Variants in EYA2 observed in about 807,000 individuals in gnomAD.
The protein encoded by EYA2 is EYA transcriptional coactivator and phosphatase 2.
In EYA2, 31 loss-of-function variants were observed where a neutral mutation model predicts 69.2. The observed-to-expected ratio is 0.45, with a 90% confidence interval of 0.34 to 0.60. The LOEUF (loss-of-function observed/expected upper bound fraction) is 0.60, where lower values mean the gene tolerates loss of function less well. Among genes scored for constraint, EYA2 ranks in the 20% least tolerant of loss-of-function variants. EYA2 has a pLI of 0.02. For synonymous variants in EYA2, 257 were observed against 279.4 expected, an observed-to-expected ratio of 0.92 and a Z score of 0.80; for missense variants, 622 against 701.2, an observed-to-expected ratio of 0.89 and a Z score of 1.28.
At chr20:47,180,718 C>G in intron 13 of EYA2, 97 bp from the exon 14 acceptor site, 1 of 1,478,662 alleles carries the variant, frequency 6.8e-7, no homozygotes, top group Non-Finnish European at 9.2e-7. Flanking sequence ...GCCTCCAAGC[C>G]TACCAGATTT....
Position 47,072,206 on chromosome 20 carries a change from G to A in EYA2, c.437G>A (p.Gly146Glu), listed in dbSNP as rs1349679130. 1 of 1,613,252 alleles carries A rather than the reference G, an allele frequency of 6.2e-7. No individual in the cohort carries two copies. The highest frequency in any genetic ancestry group is 8.5e-7 in the Non-Finnish European group (1 of 1,179,632). Residue 146 changes from glycine (G) to glutamate (E), a missense_variant, in exon 6 of 16, where the codon GGA (glycine) becomes GAA (glutamate). Gly to Glu is a moderately conservative substitution (Grantham distance 98). Around this residue, in one of 2 missense-constraint regions of EYA2, gnomAD observed 365 missense variants for 349.7 expected, o/e 1.04. Transcript: ENST00000327619. ...ACAGGCACAACAGGGTTCTATCAAG[G>A]AGGAAATGGACTGGGCAACGCAGCC... ...QMHGTTGFYQ[G>E]GNGLGNAAGF...
At chr20:46,967,295 C>T (rs1979849633) in intron 1 of EYA2, among the ~76,000 whole-genome samples, 1 of 152,254 alleles carries the variant, frequency 6.6e-6, no homozygotes, top group African/African-American at 2.4e-5. Context: ...AGCCACTGCA[C>T]CTGGCCCACA....
intron 1 of EYA2, among the ~76,000 whole-genome samples, chr20:46,937,477 A>G (rs536941390): frequency 3.3e-5 from 5 of 152,280 alleles, no homozygotes; most frequent in South Asian, 2.1e-4. Context: ...GTTAGTTACT[A>G]TTATCTTATA....
chr20:47,014,628 A>G (rs370101521), intron 4 of EYA2, among the ~76,000 whole-genome samples: 41 of 144,706 alleles, frequency 2.8e-4, no homozygotes, highest in African/African-American at 8.9e-4. Flanking sequence ...TGTGCACAAA[A>G]TGTGTGTGTG....
chr20:46,902,434 T>C (rs1182114586), intron 1 of EYA2, among the ~76,000 whole-genome samples: 1 of 152,228 alleles, frequency 6.6e-6, no homozygotes, highest in African/African-American at 2.4e-5. Context: ...GCTGTTATTA[T>C]TATTTCTATT....
At chr20:47,124,203 C>G (rs754963009) in intron 9 of EYA2, among the ~76,000 whole-genome samples, 3 of 152,048 alleles carry the variant, frequency 2.0e-5, no homozygotes, top group Non-Finnish European at 2.9e-5. Flanking sequence ...ATTTTATGAC[C>G]CTTGAGTCCT....
chr20:47,168,240 G>A (rs1181730701), intron 10 of EYA2, among the ~76,000 whole-genome samples: 2 of 151,746 alleles, frequency 1.3e-5, no homozygotes, highest in African/African-American at 4.8e-5. Flanking sequence ...CATGCAGGCT[G>A]GAGCACAGTG....
At chr20:46,992,716 G>T (rs1167561814) in intron 2 of EYA2, among the ~76,000 whole-genome samples, 1 of 152,190 alleles carries the variant, frequency 6.6e-6, no homozygotes, top group African/African-American at 2.4e-5. Context: ...CATGGTGAAG[G>T]CTTTGAGGGT....
At chr20:46,952,199 A>T (rs35385679) in intron 1 of EYA2, among the ~76,000 whole-genome samples, 11,740 of 152,100 alleles carry the variant, frequency 0.077, 633 homozygotes, top group East Asian at 0.27. Context: ...TCTCTCTGGC[A>T]GAGGCCTGAG....
chr20:46,990,596 T>A (rs900393273), intron 2 of EYA2, among the ~76,000 whole-genome samples: 1 of 152,228 alleles, frequency 6.6e-6, no homozygotes, highest in Admixed American at 6.5e-5. Context: ...CAGAGAAGAA[T>A]TAAAGTTGTT....
chr20:47,002,675 A>G (rs907663117), intron 3 of EYA2, among the ~76,000 whole-genome samples: 3 of 152,162 alleles, frequency 2.0e-5, no homozygotes, highest in Non-Finnish European at 2.9e-5. Flanking sequence ...ATATGCGTGC[A>G]TGCATCCTTT....
chr20:47,001,459 C>T lies in EYA2; in HGVS notation c.141C>T (p.Ser47=), dbSNP rs1982367319. The change falls in exon 3 of 16, where the codon TCC becomes TCT. Residue 47 remains serine, a synonymous_variant. Transcript: ENST00000327619. ...CCAAATCGGCCCCCCTGAGAGTGTC[C>T]CAGCTCTTCTCCAGGTGAGTGCCAT... ...GITKSAPLRV[S]QLFSRSCPRV... 4 of 1,614,036 alleles carry T rather than the reference C, an allele frequency of 2.5e-6. No individual in the cohort carries two copies. The South Asian group carries it at 3.3e-5, about 13-fold the overall frequency.
At chr20:46,944,241 G>A (rs1291343571) in intron 1 of EYA2, among the ~76,000 whole-genome samples, 1 of 151,946 alleles carries the variant, frequency 6.6e-6, no homozygotes, top group East Asian at 1.9e-4. Context: ...CAGTGCTCCC[G>A]TGCGCAGATC....
chr20:47,019,475 C>CT (rs113080751), intron 5 of EYA2, among the ~76,000 whole-genome samples: 3,379 of 149,048 alleles, frequency 0.023, 120 homozygotes, highest in African/African-American at 0.077. Context: ...TTCCTATTAA[C>CT]TTTTTTTTTT....
chr20:47,136,831 C>T (rs1173698959), intron 9 of EYA2, among the ~76,000 whole-genome samples: 1 of 152,122 alleles, frequency 6.6e-6, no homozygotes, highest in African/African-American at 2.4e-5. Context: ...TCCTGAAGGG[C>T]AGTTCCAACT....
chr20:46,948,408 T>C (rs1437254192), intron 1 of EYA2, among the ~76,000 whole-genome samples: 1 of 152,208 alleles, frequency 6.6e-6, no homozygotes, highest in East Asian at 1.9e-4. Context: ...TGGTCTACTC[T>C]ATTTCTTTTT....
chr20:46,930,321 C>A (rs1391235766), intron 1 of EYA2, among the ~76,000 whole-genome samples: 1 of 152,192 alleles, frequency 6.6e-6, no homozygotes, highest in Non-Finnish European at 1.5e-5. Context: ...TTACTGGATT[C>A]TGTGCTAAAG....
intron 1 of EYA2, among the ~76,000 whole-genome samples, chr20:46,943,739 G>A (rs769290256): frequency 1.1e-4 from 16 of 152,166 alleles, no homozygotes; most frequent in African/African-American, 3.6e-4. Flanking sequence ...TTCAGCCTCC[G>A]TGCTCCCGCC....
At chr20:47,124,978 A>C (rs1158756392) in intron 9 of EYA2, among the ~76,000 whole-genome samples, 1 of 150,226 alleles carries the variant, frequency 6.7e-6, no homozygotes, top group Non-Finnish European at 1.5e-5. Context: ...CCATGATTTC[A>C]TCATTTGTCA....
Sources: allele counts gnomAD v4.1 joint callset (sites outside exome capture counted in the v4.1 genomes callset), GRCh38; gene constraint gnomAD v4.1.1; regional missense constraint gnomAD v4.1.1; transcripts MANE v1.5; gene names NCBI Gene and HGNC (gene_info 2026-07-23, HGNC 2026-07-21).